CXCL16: variants seen among roughly 807,000 people sequenced by gnomAD.
The protein encoded by CXCL16 is C-X-C motif chemokine ligand 16, also known as C-X-C motif chemokine 16.
In CXCL16, 18 loss-of-function variants were observed where a neutral mutation model predicts 23.8. That is an observed-to-expected ratio of 0.76 (90% CI 0.52 to 1.12). The LOEUF (loss-of-function observed/expected upper bound fraction) is 1.12. Among genes scored for constraint, CXCL16 ranks in the 50% most tolerant of loss-of-function variants. The pLI is 0.00. For synonymous variants in CXCL16, 123 were observed against 132.5 expected (o/e 0.93, Z 0.49); for missense variants, 297 against 315.4 (o/e 0.94, Z 0.44).
Position 4,738,494 on chromosome 17 carries a change from CGGA to C in CXCL16, c.219-7_219-5del. ...GCTCCAGGAAAGGAGCTGGAACCTG[CGGA>C]GGAGAGACCTGGGCTTAGCTGCGGC... On this transcript the variant is annotated splice_polypyrimidine_tract_variant and splice_region_variant and intron_variant, in intron 2 of 5. Coordinates refer to ENST00000293778, the MANE Select transcript of CXCL16 (RefSeq NM_001386809.1). This position sits in a 1 kb window ranked among gnomAD's most constrained non-coding sequence, Gnocchi z 4.0. The C allele has an allele frequency of 6.2e-7, 1 of 1,610,134 alleles. No homozygotes were observed. The highest frequency in any genetic ancestry group is 1.1e-5 in the South Asian group (1 of 90,910).
Position 4,738,876 on chromosome 17 carries a change from T to C in CXCL16, c.124A>G (p.Lys42Glu), listed in dbSNP as rs1486262921. The stretch of plus-strand genomic sequence containing the variant: ...GGCGGGGAGTCGGAAGAAATTCTTT[T>C]ACCACAATAACAACTTCCAGTGACG... Reference protein sequence around the residue: ...GSVTGSCYCGKRISSDSPPSV... With the variant: ...GSVTGSCYCGERISSDSPPSV... The change falls in exon 2 of 6, where the codon AAA (lysine) becomes GAA (glutamate). Residue 42 changes from lysine (K) to glutamate (E), a missense_variant. Physicochemically the swap from Lys to Glu is moderately conservative, Grantham distance 56. Coordinates refer to ENST00000293778, the MANE Select transcript of CXCL16 (RefSeq NM_001386809.1). The surrounding 1 kb of genome is among the most constrained non-coding windows in gnomAD (Gnocchi z 4.0). 6.2e-7 allele frequency: 1 copy of C among 1,614,126 alleles called. No individual in the cohort carries two copies. The highest frequency in any genetic ancestry group is 1.7e-5 in the Admixed American group (1 of 60,010).
Position 4,738,670 on chromosome 17 carries a change from G to T in CXCL16, c.218+112C>A, listed in dbSNP as rs1340862644. ...GGAATGAGAGCAAACGGAACCCGGA[G>T]ATGGGGCTCGGTGAGCCGGGAAGGA... On this transcript the variant is annotated intron_variant, in intron 2 of 5. Transcript: ENST00000293778. This position sits in a 1 kb window ranked among gnomAD's most constrained non-coding sequence, Gnocchi z 4.0. The T allele has an allele frequency of 8.2e-7, 1 of 1,214,334 alleles. No individual in the cohort carries two copies. Among genetic ancestry groups the T allele is most frequent in the South Asian group, 1.4e-5 (1 of 70,340 alleles). The allele number at this position is 1,214,334 out of a possible 1,614,324, so 75.2% of individuals were successfully genotyped here.
Position 4,734,619 on chromosome 17 carries a change from T to C in CXCL16, c.752A>G (p.Asp251Gly). The C allele has an allele frequency of 6.2e-7, 1 of 1,611,808 alleles. No homozygotes were observed. The highest frequency in any genetic ancestry group is 8.5e-7 in the Non-Finnish European group (1 of 1,178,054). Residue 251 changes from aspartate (D) to glycine (G), a missense_variant, in exon 5 of 6, where the codon GAC becomes GGC. Asp to Gly is a moderately conservative substitution (Grantham distance 94, BLOSUM62 -1). Transcript: ENST00000293778. ...LPVHYIPVAP[D>G]SNT The stretch of plus-strand genomic sequence containing the variant: ...TCCATTCTTGGCTCAGGTATTAGAG[T>C]CAGGTGCCACAGGTATATAATGAAC...
intron 3 of CXCL16, among the ~76,000 whole-genome samples, chr17:4,736,132 G>A (rs947439475): frequency 6.6e-6 from 1 of 152,034 alleles, no homozygotes; most frequent in African/African-American, 2.4e-5. Context: ...TAAATGGGGG[G>A]TGGGGGACCA....
In CXCL16 at chr17:4,735,076, C is replaced by G. The variant is rs770786883; in HGVS notation, c.718+16G>C. On this transcript the variant is annotated intron_variant, in intron 4 of 5. Coordinates refer to ENST00000293778, the MANE Select transcript of CXCL16 (RefSeq NM_001386809.1). ...GCTCTGGGTCCCTGGGGGGAGGGTT[C>G]AAAGGTCCAGTTTACCTGGAGAGGA... 3 of 1,592,926 alleles carry G rather than the reference C, an allele frequency of 1.9e-6. No individual in the cohort carries two copies. The South Asian group carries it at 3.3e-5, about 18-fold the overall frequency.
intron 3 of CXCL16, among the ~76,000 whole-genome samples, chr17:4,737,301 G>A (rs534622958): frequency 1.3e-5 from 2 of 151,832 alleles, no homozygotes; most frequent in Non-Finnish European, 2.9e-5. Context: ...CAAGAGGCCG[G>A]GCACTGCGGT....
In CXCL16 at chr17:4,734,842, T is replaced by A. The variant is rs543459986; in HGVS notation, c.719-190A>T. Among the ~76,000 whole-genome samples the A allele has an allele frequency of 1.8e-4, 28 of 152,328 alleles. 1 individual carries two copies. The highest frequency in any genetic ancestry group is 3.4e-4 in the Non-Finnish European group (23 of 68,020). On this transcript the variant is annotated intron_variant, in intron 4 of 5. Transcript: ENST00000293778. ...CTCCACAGCTTCATCTCCCACTAGC[T>A]TGCTCTAGCCATCTTCTCCATGATG...
chr17:4,735,352 A>G lies in CXCL16; in HGVS notation c.458T>C (p.Leu153Pro), dbSNP rs1466857550. The G allele has an allele frequency of 5.0e-6, 8 of 1,603,850 alleles. No homozygotes were observed. The East Asian group carries it at 1.3e-4, about 27-fold the overall frequency. Residue 153 changes from leucine (L) to proline (P), a missense_variant, in exon 4 of 6, where the codon CTC (leucine) becomes CCC (proline). By Grantham distance (98) the Leu-to-Pro change is moderately conservative (BLOSUM62 -3). Transcript: ENST00000293778. ...STLQSTQRPT[L>P]PVGSLSSDKE... is the part of the protein sequence containing the mutation. Reference sequence around the variant, plus strand: ...GTCCGAGGACAGTGATCCTACTGGGAGGGTGGGGCGCTGAGTGGACTGCAA... The same window carrying G: ...GTCCGAGGACAGTGATCCTACTGGGGGGGTGGGGCGCTGAGTGGACTGCAA...
rs1916268603 is a variant in CXCL16, at chr17:4,739,316, C to T, written c.24G>A (p.Gly8=). 2 of 1,612,620 alleles carry T rather than the reference C, an allele frequency of 1.2e-6. No individual in the cohort carries two copies. The highest frequency in any genetic ancestry group is 1.1e-5 in the South Asian group (1 of 90,840). ...GAAGCAGGAGCAGGAGCACGCGGGA[C>T]CCGGGCCGCAAGTCCCGTCCCATCT... MGRDLRP[G]SRVLLLLLLL... The change falls in exon 1 of 6, where the codon GGG becomes GGA. Residue 8 remains glycine (G), a synonymous_variant. Coordinates refer to ENST00000293778, the MANE Select transcript of CXCL16 (RefSeq NM_001386809.1). The surrounding 1 kb of genome is among the most constrained non-coding windows in gnomAD (Gnocchi z 5.3).
rs1014446640 is a variant in CXCL16 at position 4,733,758 on chromosome 17, G to A, written c.*745C>T. ...GAGGATGCAGGAGAGGGCTGAGGTG[G>A]GGGAGGAACAACTGGTGTACTGGGA... On this transcript the variant is annotated 3_prime_UTR_variant, in exon 6 of 6. Transcript: ENST00000293778. 6.5e-6 allele frequency: 1 copy of A among 153,222 alleles called. No individual in the cohort carries two copies. Among genetic ancestry groups the A allele is most frequent in the Non-Finnish European group, 1.5e-5 (1 of 68,676 alleles). The allele number at this position is 153,222 out of a possible 1,614,324, so 9.5% of individuals were successfully genotyped here.
Position 4,739,013 on chromosome 17 carries a change from C to T in CXCL16, c.80-93G>A. 2 of 1,473,822 alleles carry T rather than the reference C, an allele frequency of 1.4e-6. No individual in the cohort carries two copies. The highest frequency in any genetic ancestry group is 2.3e-5 in the East Asian group (1 of 43,628). 91.3% of individuals were successfully genotyped at this position (1,473,822 alleles called of 1,614,324 possible). ...ATCCAATCCACAGCCCCATGACAGC[C>T]TCTCGGTGGACCCAGGGTCAGAGCG... On this transcript the variant is annotated intron_variant, in intron 1 of 5. Transcript: ENST00000293778. The surrounding 1 kb of genome is among the most constrained non-coding windows in gnomAD (Gnocchi z 5.3).
In CXCL16 at chr17:4,739,174, C is replaced by A. The variant is rs117191003; in HGVS notation, c.79+87G>T. On this transcript the variant is annotated intron_variant, in intron 1 of 5. Transcript: ENST00000293778. The surrounding 1 kb of genome is among the most constrained non-coding windows in gnomAD (Gnocchi z 5.3). ...CTTGTCCCCGCTGCCTTCATCCACT[C>A]AACTCCGTGGGCCTCGTGTCCCCTC... 1.1e-5 allele frequency: 16 copies of A among 1,500,868 alleles called. No individual in the cohort carries two copies. The highest frequency in any genetic ancestry group is 1.4e-5 in the Non-Finnish European group (16 of 1,107,512). 93.0% of individuals were successfully genotyped at this position (1,500,868 alleles called of 1,614,324 possible). A position where few individuals can be genotyped will look rare whatever the true frequency, so the allele number is the denominator to read the frequency against.
chr17:4,738,599 G>A lies in CXCL16; in HGVS notation c.219-109C>T. Reference sequence around the variant, plus strand: ...ACCAAGAAAGAGCCCTTTCTCCTGGGACTGGGAAACTCCCCAGTAGGTGAG... The same window carrying A: ...ACCAAGAAAGAGCCCTTTCTCCTGGAACTGGGAAACTCCCCAGTAGGTGAG... On this transcript the variant is annotated intron_variant, in intron 2 of 5. Transcript: ENST00000293778. This position sits in a 1 kb window ranked among gnomAD's most constrained non-coding sequence, Gnocchi z 4.0. 2.9e-6 allele frequency: 3 copies of A among 1,044,356 alleles called. No homozygotes were observed. The highest frequency in any genetic ancestry group is 4.2e-6 in the Non-Finnish European group (3 of 706,314). 64.7% of individuals were successfully genotyped at this position (1,044,356 alleles called of 1,614,324 possible).
chr17:4,737,270 A>G (rs7221871), intron 3 of CXCL16, among the ~76,000 whole-genome samples: 91,059 of 151,666 alleles, frequency 0.6, 27,796 homozygotes, highest in East Asian at 0.71. Context: ...AATGATGTCC[A>G]CAATCTGCCT....
Position 4,735,152 on chromosome 17 carries a change from C to T in CXCL16, c.658G>A (p.Ala220Thr), listed in dbSNP as rs1245087762. The T allele has an allele frequency of 3.1e-6, 5 of 1,613,976 alleles. No individual in the cohort carries two copies. The Admixed American group carries it at 5.0e-5, about 16-fold the overall frequency. Residue 220 changes from alanine to threonine, a missense_variant, in exon 4 of 6, where the codon GCA becomes ACA. Ala to Thr is a moderately conservative substitution (Grantham distance 58, BLOSUM62 0). Transcript: ENST00000293778. ...TTGCACAGCACATAGGAAAGGGCTG[C>T]GGTGAGGATGAAGATGATGGCCAGG... ...CLLAIIFILT[A>T]ALSYVLCKRR...
chr17:4,737,010 T>C (rs923315453), intron 3 of CXCL16, among the ~76,000 whole-genome samples: 2 of 151,712 alleles, frequency 1.3e-5, no homozygotes, highest in Non-Finnish European at 2.9e-5. Flanking sequence ...AGAGATGGGG[T>C]TTTACCATGT....
chr17:4,739,475 G>T lies in CXCL16; in HGVS notation c.-136C>A. On this transcript the variant is annotated 5_prime_UTR_variant, in exon 1 of 6. Transcript: ENST00000293778. This position sits in a 1 kb window ranked among gnomAD's most constrained non-coding sequence, Gnocchi z 5.3. ...AGGAGACGGCGGCCGGAGAGGAGGC[G>T]CGAGCCAGCTGCACCCCCCGGCCCT... is the stretch of plus-strand genomic sequence containing the variant. The T allele has an allele frequency of 7.4e-7, 1 of 1,353,104 alleles. No homozygotes were observed. The highest frequency in any genetic ancestry group is 1.0e-6 in the Non-Finnish European group (1 of 975,536). The allele number at this position is 1,353,104 out of a possible 1,614,324, so 83.8% of individuals were successfully genotyped here. A position where few individuals can be genotyped will look rare whatever the true frequency, so the allele number is the denominator to read the frequency against.
At position 4,734,602 on chromosome 17, in the gene CXCL16, TG is replaced by T; in HGVS notation, c.*3del. On this transcript the variant is annotated 3_prime_UTR_variant, in exon 5 of 6. Transcript: ENST00000293778. Reference sequence around the variant, plus strand: ...GTTTACCCTCACAAGCTTCCATTCTTGGCTCAGGTATTAGAGTCAGGTGCCA... The same window carrying T: ...GTTTACCCTCACAAGCTTCCATTCTTGCTCAGGTATTAGAGTCAGGTGCCA... 1 of 1,609,440 alleles carries T rather than the reference TG, an allele frequency of 6.2e-7. No homozygotes were observed. Among genetic ancestry groups the T allele is most frequent in the South Asian group, 1.1e-5 (1 of 90,994 alleles).
Position 4,733,749 on chromosome 17 carries a change from G to GC in CXCL16, c.*753dup, listed in dbSNP as rs1916068055. 6.5e-6 allele frequency: 1 copy of GC among 153,600 alleles called. No individual in the cohort carries two copies. The highest frequency in any genetic ancestry group is 1.5e-5 in the Non-Finnish European group (1 of 68,906). 9.5% of individuals were successfully genotyped at this position (153,600 alleles called of 1,614,324 possible). On this transcript the variant is annotated 3_prime_UTR_variant, in exon 6 of 6. Coordinates refer to ENST00000293778, the MANE Select transcript of CXCL16 (RefSeq NM_001386809.1). Reference sequence around the variant, plus strand: ...CGGGTACAGGAGGATGCAGGAGAGGGCTGAGGTGGGGGAGGAACAACTGGT... The same window carrying GC: ...CGGGTACAGGAGGATGCAGGAGAGGGCCTGAGGTGGGGGAGGAACAACTGGT...
Sources: allele counts gnomAD v4.1 joint callset (sites outside exome capture counted in the v4.1 genomes callset), GRCh38; gene constraint gnomAD v4.1.1; non-coding constraint Gnocchi (gnomAD v3.1); transcripts MANE v1.5; gene names NCBI Gene and HGNC (gene_info 2026-07-23, HGNC 2026-07-21).